HSF2BP: variants seen among roughly 807,000 people sequenced by gnomAD.
The protein encoded by HSF2BP is heat shock factor 2-binding protein.
Under a neutral mutation model 35.0 loss-of-function variants are expected in HSF2BP, and 35 were observed. The observed-to-expected ratio is 1.00, with a 90% CI of 0.76 to 1.32. HSF2BP has a LOEUF of 1.32. HSF2BP is among the 40% of genes most tolerant of loss of function. The pLI, the probability that HSF2BP is intolerant of heterozygous loss-of-function variation, is 0.00. For missense variants in HSF2BP, 326 were observed against 321.7 expected, an observed-to-expected ratio of 1.01 and a Z score of -0.10; for synonymous variants, 114 against 117.4, an observed-to-expected ratio of 0.97 and a Z score of 0.18.
intron 4 of HSF2BP, among the ~76,000 whole-genome samples, chr21:43,636,150 C>CTAG (rs2082550723): frequency 6.7e-6 from 1 of 148,816 alleles, no homozygotes; most frequent in Non-Finnish European, 1.5e-5. Context: ...GATCACACCA[C>CTAG]TACACTCCAG....
chr21:43,643,548 C>T (rs919982754), intron 4 of HSF2BP, among the ~76,000 whole-genome samples: 12 of 152,210 alleles, frequency 7.9e-5, no homozygotes, highest in African/African-American at 2.9e-4. Context: ...GTCACACAGC[C>T]AGCTCCCCTT....
rs75802357 is a variant in HSF2BP, at chr21:43,597,413, G to A, written c.693-5085C>T. Among the ~76,000 whole-genome samples, 492 of 152,262 alleles carry A rather than the reference G, an allele frequency of 3.2e-3. 1 individual carries two copies. The highest frequency in any genetic ancestry group is 0.011 in the African/African-American group (458 of 41,536). ...GGAGAGTAAGCCACTTGCTTTGGGT[G>A]TAAATTTAAGGGAGTATCAAAATGC... On this transcript the variant is annotated intron_variant, in intron 7 of 8. Transcript: ENST00000291560. The surrounding 1 kb of genome is among the most constrained non-coding windows in gnomAD (Gnocchi z 4.3).
At chr21:43,614,751 G>C (rs1411456444) in intron 6 of HSF2BP, among the ~76,000 whole-genome samples, 1 of 152,158 alleles carries the variant, frequency 6.6e-6, no homozygotes, top group Admixed American at 6.6e-5. Flanking sequence ...TTGAATTAGA[G>C]TGTTGAACCA....
chr21:43,584,095 G>A (rs1277471323), intron 8 of HSF2BP, among the ~76,000 whole-genome samples: 1 of 146,522 alleles, frequency 6.8e-6, no homozygotes, highest in Admixed American at 6.8e-5. Context: ...GCCTGCTGAG[G>A]GAGATGAAGA....
intron 7 of HSF2BP, among the ~76,000 whole-genome samples, chr21:43,592,674 C>T (rs1019318148): frequency 7.2e-5 from 11 of 152,158 alleles, no homozygotes; most frequent in East Asian, 1.9e-4. Context: ...TGTAAGAGTA[C>T]TATACTCTCA....
chr21:43,596,676 G>A (rs1289123984), intron 7 of HSF2BP, among the ~76,000 whole-genome samples: 1 of 151,820 alleles, frequency 6.6e-6, no homozygotes, highest in African/African-American at 2.4e-5. Flanking sequence ...ACCAGCTTGG[G>A]CAACACAACA....
chr21:43,587,615 A>G (rs1177874582), intron 8 of HSF2BP, among the ~76,000 whole-genome samples: 1 of 148,226 alleles, frequency 6.7e-6, no homozygotes, highest in Non-Finnish European at 1.5e-5. Flanking sequence ...TGGTGAGCAG[A>G]GATCACACCA....
At chr21:43,632,399 TC>T (rs2082490311) in intron 5 of HSF2BP, among the ~76,000 whole-genome samples, 1 of 18,120 alleles carries the variant, frequency 5.5e-5, no homozygotes, top group South Asian at 2.2e-3. Flanking sequence ...ACACACACAC[TC>T]CCCCACACAC....
chr21:43,654,258 T>A (rs1024539054), intron 3 of HSF2BP, among the ~76,000 whole-genome samples: 2 of 152,170 alleles, frequency 1.3e-5, no homozygotes, highest in Admixed American at 1.3e-4. Context: ...ATTATACAAG[T>A]AAGAAGATCC....
intron 7 of HSF2BP, among the ~76,000 whole-genome samples, chr21:43,605,024 A>G (rs78367468): frequency 0.014 from 1,889 of 133,464 alleles, 39 homozygotes; most frequent in African/African-American, 0.049. Flanking sequence ...CACACACATC[A>G]CACACACCAC....
At chr21:43,601,218 C>T (rs1360401197) in intron 7 of HSF2BP, among the ~76,000 whole-genome samples, 1 of 152,226 alleles carries the variant, frequency 6.6e-6, no homozygotes, top group Non-Finnish European at 1.5e-5. Flanking sequence ...CACAGGCCAG[C>T]TGGCTCCACG....
At chr21:43,635,596 T>C (rs1403123071) in intron 4 of HSF2BP, among the ~76,000 whole-genome samples, 1 of 151,848 alleles carries the variant, frequency 6.6e-6, no homozygotes, top group Non-Finnish European at 1.5e-5. Flanking sequence ...CAACCGAATA[T>C]TCATATGCAA....
At chr21:43,645,029 T>C (rs993877037) in intron 3 of HSF2BP, among the ~76,000 whole-genome samples, 2 of 152,202 alleles carry the variant, frequency 1.3e-5, no homozygotes, top group Non-Finnish European at 2.9e-5. Context: ...AAAAGTACTA[T>C]CAACTTTAAA....
At chr21:43,651,156 GT>G (rs1269088039) in intron 3 of HSF2BP, among the ~76,000 whole-genome samples, 2 of 152,112 alleles carry the variant, frequency 1.3e-5, no homozygotes, top group African/African-American at 4.8e-5. Context: ...GGTTCACATA[GT>G]TTCCCACACC....
chr21:43,618,246 G>A (rs1018988669), intron 6 of HSF2BP, among the ~76,000 whole-genome samples: 7 of 151,894 alleles, frequency 4.6e-5, no homozygotes, highest in Admixed American at 6.6e-5. Flanking sequence ...GGCAATTAAA[G>A]TGAGACCCCA....
At chr21:43,636,224 AAAAGAAAAGAAAAG>A (rs1167496898) in intron 4 of HSF2BP, among the ~76,000 whole-genome samples, 1 of 71,552 alleles carries the variant, frequency 1.4e-5, no homozygotes, top group Non-Finnish European at 2.6e-5. Flanking sequence ...AAAAGAAAAG[AAAAGAAAAGAAAAG>A]AAAAGAAAAG....
At chr21:43,653,402 C>T (rs1052882748) in intron 3 of HSF2BP, among the ~76,000 whole-genome samples, 2 of 152,064 alleles carry the variant, frequency 1.3e-5, no homozygotes, top group African/African-American at 2.4e-5. Context: ...CAGATAAAAT[C>T]AGGGGCCCTG....
At position 43,657,904 on chromosome 21, in the gene HSF2BP, C is replaced by A. The variant is rs530048174; in HGVS notation, c.36+157G>T. The A allele has an allele frequency of 7.1e-6, 7 of 985,474 alleles. No individual in the cohort carries two copies. The Admixed American group carries it at 3.7e-4, about 52-fold the overall frequency. The allele number at this position is 985,474 out of a possible 1,614,324, so 61.0% of individuals were successfully genotyped here. A position where few individuals can be genotyped will look rare whatever the true frequency, so the allele number is the denominator to read the frequency against. On this transcript the variant is annotated intron_variant, in intron 2 of 8. Coordinates refer to ENST00000291560, the MANE Select transcript of HSF2BP (RefSeq NM_007031.2). ...CGCCTCCCGCCCCAGGTCTCCACCC[C>A]GCTCCGGCCCAGCCCACGCCGTTAG...
chr21:43,591,886 A>G (rs552848145), intron 8 of HSF2BP, among the ~76,000 whole-genome samples: 1 of 152,314 alleles, frequency 6.6e-6, no homozygotes, highest in African/African-American at 2.4e-5. Flanking sequence ...CTCAGTAGCT[A>G]TCTAGGTCAT....
Sources: gnomAD v4.1 joint callset for allele counts (sites outside exome capture counted in the v4.1 genomes callset) on GRCh38, gnomAD v4.1.1 for gene constraint, Gnocchi (gnomAD v3.1) non-coding constraint, MANE v1.5 for transcripts, NCBI Gene and HGNC (gene_info 2026-07-23, HGNC 2026-07-21) for gene names.